PXDC1: variants seen among roughly 807,000 people sequenced by gnomAD.
PXDC1 encodes the protein PX domain containing 1.
A neutral mutation model predicts 24.4 loss-of-function variants in PXDC1; 13 were observed. The observed-to-expected ratio is 0.53, with a 90% confidence interval of 0.35 to 0.85. The LOEUF is 0.85. Ranked by LOEUF, PXDC1 falls within the 40% of genes least tolerant of loss-of-function variation. The pLI is 0.01. For synonymous variants in PXDC1, 162 were observed against 124.9 expected, an observed-to-expected ratio of 1.30 and a Z score of -1.98; for missense variants, 344 against 309.3, an observed-to-expected ratio of 1.11 and a Z score of -0.84.
At chr6:3,739,160 G>C (rs1226806801) in intron 1 of PXDC1, 25 of 1,108,032 alleles carry the variant, frequency 2.3e-5, no homozygotes, top group Admixed American at 4.1e-5. Context: ...CGTTGAATAG[G>C]TCTATAAGAG....
In PXDC1 at chr6:3,724,924, C is replaced by T. The variant is rs1342645006; in HGVS notation, c.579-1188G>A. Among the ~76,000 whole-genome samples the T allele has an allele frequency of 6.6e-6, 1 of 152,062 alleles. No individual in the cohort carries two copies. Among genetic ancestry groups the T allele is most frequent in the African/African-American group, 2.4e-5 (1 of 41,432 alleles). ...GCTGAGGCTGCAGAGGAAGGCCTCC[C>T]CTCTGACTCCATGGCCAGGCCTGGA... On this transcript the variant is annotated intron_variant, in intron 4 of 4. Coordinates refer to ENST00000380283, the MANE Select transcript of PXDC1 (RefSeq NM_183373.4). The surrounding 1 kb of genome is among the most constrained non-coding windows in gnomAD (Gnocchi z 4.5).
chr6:3,734,637 A>C (rs1474339335), intron 3 of PXDC1, among the ~76,000 whole-genome samples: 1 of 152,148 alleles, frequency 6.6e-6, no homozygotes, highest in African/African-American at 2.4e-5. Flanking sequence ...GTGCCAGCTA[A>C]AAAGGGGCTC....
intron 3 of PXDC1, among the ~76,000 whole-genome samples, 167 bp from the exon 4 acceptor site, chr6:3,727,829 C>T (rs1042390943): frequency 6.6e-6 from 1 of 152,132 alleles, no homozygotes; most frequent in East Asian, 1.9e-4. Context: ...AGAGCTCTGC[C>T]GCACAAAGTC....
chr6:3,737,625 G>C lies in PXDC1; in HGVS notation c.349-429C>G. ...GAAGCCCGCAGGCTTACATGGAAAG[G>C]GAGTTGACGGTCAAATCCGGGCAAC... On this transcript the variant is annotated intron_variant, in intron 2 of 4. Transcript: ENST00000380283. The surrounding 1 kb of genome is among the most constrained non-coding windows in gnomAD (Gnocchi z 5.5). 1.0e-6 allele frequency: 1 copy of C among 984,506 alleles called. No homozygotes were observed. The highest frequency in any genetic ancestry group is 1.2e-6 in the Non-Finnish European group (1 of 829,074). 61.0% of individuals were successfully genotyped at this position (984,506 alleles called of 1,614,324 possible).
chr6:3,737,287 A>G lies in PXDC1; in HGVS notation c.349-91T>C, dbSNP rs115029753. 971 of 887,388 alleles carry G rather than the reference A, an allele frequency of 1.1e-3. 11 individuals carry two copies. In the African/African-American group the frequency reaches 0.015, roughly 13 times the overall value. The allele number at this position is 887,388 out of a possible 1,614,324, so 55.0% of individuals were successfully genotyped here. A position where few individuals can be genotyped will look rare whatever the true frequency, so the allele number is the denominator to read the frequency against. On this transcript the variant is annotated intron_variant, in intron 2 of 4. Coordinates refer to ENST00000380283, the MANE Select transcript of PXDC1 (RefSeq NM_183373.4). This position sits in a 1 kb window ranked among gnomAD's most constrained non-coding sequence, Gnocchi z 5.5. ...AAGAGAGGGCCCCGCTCCTCCGCAG[A>G]GGCAGCCTGTGTGATGCAAACGCCC... is the stretch of plus-strand genomic sequence containing the variant.
chr6:3,726,217 C>A (rs1182611953), intron 4 of PXDC1, among the ~76,000 whole-genome samples: 1 of 152,230 alleles, frequency 6.6e-6, no homozygotes, highest in Non-Finnish European at 1.5e-5. Flanking sequence ...CAAGACAGTG[C>A]CTGGCCAGTA....
At position 3,737,208 on chromosome 6, in the gene PXDC1, T is replaced by C; in HGVS notation, c.349-12A>G. Reference sequence around the variant, plus strand: ...TCCGATCTAGAATACTGGGGAGAAATGCAGGGATTACTAAAAACGATCAGC... The same window carrying C: ...TCCGATCTAGAATACTGGGGAGAAACGCAGGGATTACTAAAAACGATCAGC... On this transcript the variant is annotated splice_polypyrimidine_tract_variant and intron_variant, in intron 2 of 4. Transcript: ENST00000380283. The surrounding 1 kb of genome is among the most constrained non-coding windows in gnomAD (Gnocchi z 5.5). The C allele has an allele frequency of 2.6e-6, 4 of 1,560,820 alleles. No homozygotes were observed. The highest frequency in any genetic ancestry group is 3.5e-6 in the Non-Finnish European group (4 of 1,131,398).
At chr6:3,735,288 G>T (rs1760288945) in intron 3 of PXDC1, among the ~76,000 whole-genome samples, 1 of 152,146 alleles carries the variant, frequency 6.6e-6, no homozygotes, top group Non-Finnish European at 1.5e-5. Context: ...AGAGAACACA[G>T]AAATAAATCG....
At chr6:3,739,676 C>T (rs558334263) in intron 1 of PXDC1, among the ~76,000 whole-genome samples, 5 of 152,384 alleles carry the variant, frequency 3.3e-5, no homozygotes, top group South Asian at 2.1e-4. Flanking sequence ...CCTCCCCACA[C>T]GCCGGGGCAA....
At chr6:3,738,773 A>C in intron 1 of PXDC1, 1 of 1,298,142 alleles carries the variant, frequency 7.7e-7, no homozygotes, top group Non-Finnish European at 1.0e-6. Flanking sequence ...GTCAGGCAGC[A>C]TAATATTTTA....
chr6:3,737,925 AG>A lies in PXDC1; in HGVS notation c.348+131del, dbSNP rs140458498. 5,659 of 793,024 alleles carry A rather than the reference AG, an allele frequency of 7.1e-3. 36 individuals are homozygous for A. The highest frequency in any genetic ancestry group is 8.9e-3 in the Non-Finnish European group (4,311 of 482,474). The allele number at this position is 793,024 out of a possible 1,614,324, so 49.1% of individuals were successfully genotyped here. The stretch of plus-strand genomic sequence containing the variant: ...TCCGTCCCTATCGCCTGGTACTACC[AG>A]GGAGGGAACAAAACGGCTAAGTGAG... On this transcript the variant is annotated intron_variant, in intron 2 of 4. Transcript: ENST00000380283. The surrounding 1 kb of genome is among the most constrained non-coding windows in gnomAD (Gnocchi z 5.5).
intron 3 of PXDC1, among the ~76,000 whole-genome samples, chr6:3,727,934 T>C (rs1394995871): frequency 6.6e-6 from 1 of 152,124 alleles, no homozygotes; most frequent in African/African-American, 2.4e-5. Flanking sequence ...CCATATGCCC[T>C]TCGCTGTGGG....
At chr6:3,742,401 G>T (rs1332302190) in intron 1 of PXDC1, among the ~76,000 whole-genome samples, 1 of 152,150 alleles carries the variant, frequency 6.6e-6, no homozygotes, top group Non-Finnish European at 1.5e-5. Flanking sequence ...TCCAAATATT[G>T]TTGATGGCAT....
In PXDC1 at chr6:3,748,022, T is replaced by C. The variant is rs892542792; in HGVS notation, c.256+3254A>G. On this transcript the variant is annotated intron_variant, in intron 1 of 4. Coordinates refer to ENST00000380283, the MANE Select transcript of PXDC1 (RefSeq NM_183373.4). The stretch of plus-strand genomic sequence containing the variant: ...TGGTTGGCTCAGACATCACAAAGCC[T>C]GAAACTATAGAAATAACAATCGAAA... Among the ~76,000 whole-genome samples, 4 of 152,218 alleles carry C rather than the reference T, an allele frequency of 2.6e-5. No individual in the cohort carries two copies. The East Asian group carries it at 7.7e-4, about 29-fold the overall frequency.
At chr6:3,751,089 G>C (rs1187860718) in intron 1 of PXDC1, 187 bp downstream of exon 1, 1 of 508,488 alleles carries the variant, frequency 2.0e-6, no homozygotes, top group African/African-American at 2.0e-5. Context: ...TGGGCAGGCT[G>C]GCTCCCCGTC....
intron 1 of PXDC1, among the ~76,000 whole-genome samples, chr6:3,741,543 C>T (rs755527801): frequency 2.0e-5 from 3 of 152,226 alleles, no homozygotes; most frequent in Non-Finnish European, 4.4e-5. Flanking sequence ...CCTTTCTCCA[C>T]GGAGACAGTT....
At chr6:3,731,067 T>TATCA in intron 3 of PXDC1, among the ~76,000 whole-genome samples, 1 of 152,382 alleles carries the variant, frequency 6.6e-6, no homozygotes, top group East Asian at 1.9e-4. Flanking sequence ...CTGAGTGATC[T>TATCA]ATCATGATCA....
intron 1 of PXDC1, among the ~76,000 whole-genome samples, chr6:3,744,241 A>G (rs1760514141): frequency 6.6e-6 from 1 of 152,064 alleles, no homozygotes; most frequent in South Asian, 2.1e-4. Flanking sequence ...GGAGCAGCCC[A>G]CTCAGGCAGG....
intron 1 of PXDC1, among the ~76,000 whole-genome samples, chr6:3,750,244 G>T (rs1489215124): frequency 6.6e-6 from 1 of 152,176 alleles, no homozygotes; most frequent in African/African-American, 2.4e-5. Flanking sequence ...ACTTGGACGG[G>T]CCACCTTCTG....
Sources: allele counts gnomAD v4.1 joint callset (sites outside exome capture counted in the v4.1 genomes callset), GRCh38; gene constraint gnomAD v4.1.1; non-coding constraint Gnocchi (gnomAD v3.1); transcripts MANE v1.5; gene names NCBI Gene and HGNC (gene_info 2026-07-23, HGNC 2026-07-21).